NKAIN3: variants seen among roughly 807,000 people sequenced by gnomAD.
NKAIN3 encodes the protein sodium/potassium transporting ATPase interacting 3.
In NKAIN3, 25 loss-of-function variants were observed where a neutral mutation model predicts 30.2. The ratio of observed to expected loss-of-function variants is 0.83; its 90% CI spans 0.60 to 1.16. The LOEUF is 1.16. NKAIN3 is among the 50% of genes most tolerant of loss of function. The pLI is 0.00. For missense variants in NKAIN3, 225 were observed against 254.1 expected, an observed-to-expected ratio of 0.89 and a Z score of 0.78; for synonymous variants, 91 against 89.6, an observed-to-expected ratio of 1.02 and a Z score of -0.09.
At position 62,880,032 on chromosome 8, in the gene NKAIN3, G is replaced by A. The variant is rs375404323; in HGVS notation, c.472-38421G>A. On this transcript the variant is annotated intron_variant, in intron 4 of 6. Coordinates refer to ENST00000623646, the MANE Select transcript of NKAIN3 (RefSeq NM_001304533.3). Reference sequence around the variant, plus strand: ...CTGCTTAAACTTTACAGCCTCCTCCGAGTAAGAGATCGCCAGTCCCTACAT... The same window carrying A: ...CTGCTTAAACTTTACAGCCTCCTCCAAGTAAGAGATCGCCAGTCCCTACAT... Among the ~76,000 whole-genome samples the A allele has an allele frequency of 3.9e-3, 587 of 152,268 alleles. 5 individuals carry two copies. The highest frequency in any genetic ancestry group is 6.8e-3 in the Middle Eastern group (2 of 294).
chr8:62,896,772 G>C (rs1011442304), intron 4 of NKAIN3, among the ~76,000 whole-genome samples: 3 of 152,126 alleles, frequency 2.0e-5, no homozygotes, highest in South Asian at 2.1e-4. Context: ...AGTCTAGTTG[G>C]GTCCTAATGT....
intron 1 of NKAIN3, among the ~76,000 whole-genome samples, chr8:62,546,642 T>A (rs1809025204): frequency 6.6e-6 from 1 of 152,188 alleles, no homozygotes; most frequent in African/African-American, 2.4e-5. Context: ...CTGTTTGGAT[T>A]TGGAAAGGCC....
Position 62,249,023 on chromosome 8 carries a change from C to G in NKAIN3, c.-51C>G. The G allele has an allele frequency of 6.7e-7, 1 of 1,494,256 alleles. No individual in the cohort carries two copies. Among genetic ancestry groups the G allele is most frequent in the Admixed American group, 2.0e-5 (1 of 49,928 alleles). 92.6% of individuals were successfully genotyped at this position (1,494,256 alleles called of 1,614,324 possible). ...CTCCGGAGTCAGGAGGCAGCAGCGG[C>G]GGAGGACGAGGATCTCTGGCAGTCA... On this transcript the variant is annotated 5_prime_UTR_variant, in exon 1 of 7. Transcript: ENST00000623646.
chr8:62,906,363 G>C (rs1821777156), intron 4 of NKAIN3, among the ~76,000 whole-genome samples: 1 of 152,164 alleles, frequency 6.6e-6, no homozygotes, highest in South Asian at 2.1e-4. Context: ...TCAACTTAAT[G>C]ACTTTCATTA....
chr8:62,627,430 T>A (rs1289107428), intron 3 of NKAIN3, among the ~76,000 whole-genome samples: 1 of 151,964 alleles, frequency 6.6e-6, no homozygotes, highest in Admixed American at 6.6e-5. Flanking sequence ...GGACCAGGGA[T>A]GGTGGGTGAT....
At chr8:62,937,717 G>A (rs1368983438) in intron 5 of NKAIN3, among the ~76,000 whole-genome samples, 1 of 152,096 alleles carries the variant, frequency 6.6e-6, no homozygotes, top group Non-Finnish European at 1.5e-5. Flanking sequence ...GGGAAGTACA[G>A]ATACAACCAC....
intron 1 of NKAIN3, among the ~76,000 whole-genome samples, chr8:62,270,728 T>A (rs1019619152): frequency 6.6e-6 from 1 of 152,154 alleles, no homozygotes; most frequent in Non-Finnish European, 1.5e-5. Flanking sequence ...CCTGCCAATC[T>A]CCAACCCATG....
intron 4 of NKAIN3, among the ~76,000 whole-genome samples, chr8:62,759,693 A>C (rs897460318): frequency 1.3e-5 from 2 of 151,636 alleles, no homozygotes; most frequent in Non-Finnish European, 1.5e-5. Context: ...ATGATTAGAA[A>C]GTACATAGGC....
intron 4 of NKAIN3, among the ~76,000 whole-genome samples, chr8:62,886,583 T>C (rs1192178306): frequency 6.6e-6 from 1 of 152,174 alleles, no homozygotes; most frequent in Non-Finnish European, 1.5e-5. Flanking sequence ...TTATTTCTTC[T>C]TCAGTTTAAA....
At chr8:62,469,616 T>C (rs559212634) in intron 1 of NKAIN3, among the ~76,000 whole-genome samples, 1 of 152,178 alleles carries the variant, frequency 6.6e-6, no homozygotes, top group Non-Finnish European at 1.5e-5. Flanking sequence ...TATGACTTTA[T>C]TTTTAAATGT....
intron 1 of NKAIN3, among the ~76,000 whole-genome samples, chr8:62,433,600 A>G (rs769989313): frequency 2.6e-5 from 4 of 152,112 alleles, no homozygotes; most frequent in Admixed American, 2.6e-4. Context: ...ACTTTATCAG[A>G]CGGTGGGATT....
intron 1 of NKAIN3, among the ~76,000 whole-genome samples, chr8:62,467,136 C>T (rs1218457028): frequency 6.6e-6 from 1 of 152,128 alleles, no homozygotes; most frequent in African/African-American, 2.4e-5. Flanking sequence ...TTGACTAATT[C>T]CTGCCTCAGG....
intron 3 of NKAIN3, among the ~76,000 whole-genome samples, chr8:62,616,350 C>T (rs186692737): frequency 6.6e-6 from 1 of 152,218 alleles, no homozygotes; most frequent in Admixed American, 6.5e-5. Flanking sequence ...TTCAGGGGTT[C>T]TCTCGACCAC....
At chr8:62,828,270 A>G (rs1819086612) in intron 4 of NKAIN3, among the ~76,000 whole-genome samples, 2 of 152,322 alleles carry the variant, frequency 1.3e-5, no homozygotes, top group East Asian at 3.9e-4. Context: ...GAATATAATT[A>G]TAAAAGATTA....
intron 1 of NKAIN3, among the ~76,000 whole-genome samples, chr8:62,336,864 A>T (rs1266986073): frequency 6.6e-6 from 1 of 152,030 alleles, no homozygotes; most frequent in Non-Finnish European, 1.5e-5. Context: ...GCCAGAAGGT[A>T]TGTATTTTAG....
At chr8:62,646,055 T>C (rs1731039927) in intron 3 of NKAIN3, among the ~76,000 whole-genome samples, 1 of 151,802 alleles carries the variant, frequency 6.6e-6, no homozygotes, top group African/African-American at 2.4e-5. Context: ...AGTTATTATA[T>C]TGCAATGGCT....
rs1050832875 is a variant in NKAIN3 at position 62,856,173 on chromosome 8, G to A, written c.472-62280G>A. Reference sequence around the variant, plus strand: ...ATCTCAGACCTCTTGGTATCACTAGGCAGAAGCAAACTTCCTGTATTTGTA... The same window carrying A: ...ATCTCAGACCTCTTGGTATCACTAGACAGAAGCAAACTTCCTGTATTTGTA... On this transcript the variant is annotated intron_variant, in intron 4 of 6. Coordinates refer to ENST00000623646, the MANE Select transcript of NKAIN3 (RefSeq NM_001304533.3). 4 of 753,614 alleles carry A rather than the reference G, an allele frequency of 5.3e-6. No individual in the cohort carries two copies. In the Admixed American group the frequency reaches 7.1e-5, roughly 13 times the overall value. The allele number at this position is 753,614 out of a possible 1,614,324, so 46.7% of individuals were successfully genotyped here.
chr8:62,940,879 C>G (rs551565750), intron 5 of NKAIN3, among the ~76,000 whole-genome samples: 1 of 150,914 alleles, frequency 6.6e-6, no homozygotes, highest in Non-Finnish European at 1.5e-5. Flanking sequence ...AAGAACAAAC[C>G]GAATCCAAAC....
At chr8:62,902,287 T>C (rs1231904217) in intron 4 of NKAIN3, among the ~76,000 whole-genome samples, 1 of 152,200 alleles carries the variant, frequency 6.6e-6, no homozygotes, top group Admixed American at 6.5e-5. Context: ...AGAAACCAGA[T>C]TCAAAATGAG....
Sources: allele counts gnomAD v4.1 joint callset (sites outside exome capture counted in the v4.1 genomes callset), GRCh38; gene constraint gnomAD v4.1.1; transcripts MANE v1.5; gene names NCBI Gene and HGNC (gene_info 2026-07-23, HGNC 2026-07-21).